The following ANKS1B variants were observed in gnomAD, a reference collection of about 807,000 sequenced individuals.
The protein encoded by ANKS1B is ankyrin repeat and sterile alpha motif domain containing 1B.
Under a neutral mutation model 148.3 loss-of-function variants are expected in ANKS1B, and 36 were observed. The observed-to-expected ratio is 0.24, with a 90% CI of 0.19 to 0.32. The LOEUF is 0.32. Among genes scored for constraint, ANKS1B ranks in the 10% least tolerant of loss-of-function variants. The probability of loss-of-function intolerance (pLI) is 1.00; values close to 1 mark genes in which losing one functional copy is unlikely to be tolerated. For missense variants in ANKS1B, 1,157 were observed against 1,542.6 expected (o/e 0.75, Z 4.19); for synonymous variants, 542 against 560.8 (o/e 0.97, Z 0.47).
chr12:99,381,377 C>T (rs1173466989), intron 12 of ANKS1B, among the ~76,000 whole-genome samples: 2 of 152,102 alleles, frequency 1.3e-5, no homozygotes, highest in African/African-American at 4.8e-5. Context: ...TGCGATTTGG[C>T]AATAAAGCCA....
chr12:99,923,336 T>C (rs1257422970), intron 1 of ANKS1B, among the ~76,000 whole-genome samples: 1 of 152,176 alleles, frequency 6.6e-6, no homozygotes, highest in Admixed American at 6.6e-5. Flanking sequence ...AAATGGCATA[T>C]GCAAAGGCAT....
At chr12:98,890,311 A>G (rs553972783) in intron 17 of ANKS1B, among the ~76,000 whole-genome samples, 1 of 152,336 alleles carries the variant, frequency 6.6e-6, no homozygotes, top group South Asian at 2.1e-4. Flanking sequence ...CCCATAAGAG[A>G]TATTGAAGAG....
chr12:99,482,006 T>C (rs1443692696), intron 10 of ANKS1B, among the ~76,000 whole-genome samples: 1 of 152,088 alleles, frequency 6.6e-6, no homozygotes, highest in Non-Finnish European at 1.5e-5. Flanking sequence ...GATAATTATT[T>C]ATTTTGCTAT....
chr12:99,354,249 G>A (rs2091753237), intron 12 of ANKS1B, among the ~76,000 whole-genome samples: 1 of 151,990 alleles, frequency 6.6e-6, no homozygotes, highest in East Asian at 1.9e-4. Flanking sequence ...GACAACATGG[G>A]GTAGTGTGGC....
intron 25 of ANKS1B, among the ~76,000 whole-genome samples, chr12:98,758,533 G>A (rs565530072): frequency 1.8e-4 from 27 of 152,254 alleles, no homozygotes; most frequent in Non-Finnish European, 3.8e-4. Flanking sequence ...TCCAGGCCGG[G>A]GGTGTACTTC....
At chr12:99,699,758 T>C (rs1024224051) in intron 8 of ANKS1B, among the ~76,000 whole-genome samples, 2 of 152,210 alleles carry the variant, frequency 1.3e-5, no homozygotes, top group Admixed American at 1.3e-4. Flanking sequence ...TGAATTTTGA[T>C]AAAGTTATTC....
At chr12:99,935,845 G>A (rs2094753069) in intron 1 of ANKS1B, among the ~76,000 whole-genome samples, 1 of 151,964 alleles carries the variant, frequency 6.6e-6, no homozygotes, top group Admixed American at 6.6e-5. Flanking sequence ...CCTATAGGAT[G>A]ACGTATTAGT....
At chr12:99,832,490 G>A (rs1000496888) in intron 1 of ANKS1B, among the ~76,000 whole-genome samples, 1 of 151,970 alleles carries the variant, frequency 6.6e-6, no homozygotes, top group Non-Finnish European at 1.5e-5. Flanking sequence ...TTGGGAGGCC[G>A]GGGCAGGTGG....
At chr12:98,848,262 A>G (rs1211532500) in intron 17 of ANKS1B, among the ~76,000 whole-genome samples, 2 of 152,212 alleles carry the variant, frequency 1.3e-5, no homozygotes, top group African/African-American at 4.8e-5. Flanking sequence ...TTAATTTTTC[A>G]TTTCAAGAAA....
At chr12:99,836,887 T>C (rs1048536962) in intron 1 of ANKS1B, among the ~76,000 whole-genome samples, 1 of 152,170 alleles carries the variant, frequency 6.6e-6, no homozygotes, top group Non-Finnish European at 1.5e-5. Context: ...ATTCTCTTCA[T>C]AGGTAACAAT....
At chr12:98,830,841 C>T (rs1429654379) in intron 18 of ANKS1B, among the ~76,000 whole-genome samples, 2 of 151,524 alleles carry the variant, frequency 1.3e-5, no homozygotes, top group Non-Finnish European at 2.9e-5. Flanking sequence ...TGGAAATCAT[C>T]TTTCTCACTT....
At chr12:99,614,010 G>T (rs2097924011) in intron 9 of ANKS1B, among the ~76,000 whole-genome samples, 1 of 151,604 alleles carries the variant, frequency 6.6e-6, no homozygotes, top group Non-Finnish European at 1.5e-5. Flanking sequence ...ATGATTCTTT[G>T]ATTCCTAATT....
intron 1 of ANKS1B, among the ~76,000 whole-genome samples, chr12:99,942,129 C>T (rs531611101): frequency 2.7e-4 from 41 of 151,952 alleles, no homozygotes; most frequent in African/African-American, 6.3e-4. Context: ...CCATATTTAA[C>T]GAGATGAGAG....
At position 99,586,863 on chromosome 12, in the gene ANKS1B, C is replaced by T. The variant is rs12579370; in HGVS notation, c.1272+68204G>A. Among the ~76,000 whole-genome samples the T allele has an allele frequency of 5.9e-5, 9 of 152,260 alleles. No homozygotes were observed. In the East Asian group the frequency reaches 1.5e-3, roughly 26 times the overall value. Reference sequence around the variant, plus strand: ...TGAGACTTATTAACTATCATGAGAACTGCTCAGGAAAAACCTGCCCCCATG... The same window carrying T: ...TGAGACTTATTAACTATCATGAGAATTGCTCAGGAAAAACCTGCCCCCATG... On this transcript the variant is annotated intron_variant, in intron 9 of 26. Transcript: ENST00000683438.
chr12:99,830,259 G>A (rs117034989), intron 1 of ANKS1B, among the ~76,000 whole-genome samples: 2,489 of 152,236 alleles, frequency 0.016, 29 homozygotes, highest in Non-Finnish European at 0.025. Context: ...AATATAGGCA[G>A]TGACCATAGT....
intron 8 of ANKS1B, among the ~76,000 whole-genome samples, chr12:99,698,056 G>C (rs1400188840): frequency 6.6e-6 from 1 of 151,944 alleles, no homozygotes; most frequent in East Asian, 1.9e-4. Context: ...GAAGGTATAG[G>C]AAAGAGGTAG....
At chr12:98,752,272 T>C (rs919710316) in intron 25 of ANKS1B, among the ~76,000 whole-genome samples, 21 of 151,942 alleles carry the variant, frequency 1.4e-4, no homozygotes, top group Non-Finnish European at 2.5e-4. Flanking sequence ...TTCTTTTTTT[T>C]TTTTAGATGG....
intron 9 of ANKS1B, among the ~76,000 whole-genome samples, chr12:99,585,325 C>T (rs111871501): frequency 0.013 from 2,027 of 152,258 alleles, 53 homozygotes; most frequent in African/African-American, 0.047. Flanking sequence ...CCATGTCTCA[C>T]ATCCAGGGTA....
chr12:99,794,172 C>T (rs1167477884), intron 4 of ANKS1B, among the ~76,000 whole-genome samples: 1 of 151,890 alleles, frequency 6.6e-6, no homozygotes, highest in African/African-American at 2.4e-5. Flanking sequence ...TAAGCAATAA[C>T]AAATGCTGGT....
Sources: allele counts gnomAD v4.1 joint callset (sites outside exome capture counted in the v4.1 genomes callset), GRCh38; gene constraint gnomAD v4.1.1; transcripts MANE v1.5; gene names NCBI Gene and HGNC (gene_info 2026-07-23, HGNC 2026-07-21).